The following SGCD variants were observed in gnomAD, a reference collection of about 807,000 sequenced individuals.
SGCD encodes sarcoglycan delta, also known as delta-sarcoglycan.
Under a neutral mutation model 36.6 loss-of-function variants are expected in SGCD, and 18 were observed. The observed-to-expected ratio is 0.49, with a 90% CI of 0.34 to 0.73. SGCD has a LOEUF of 0.73. Ranked by LOEUF, SGCD falls within the 30% of genes least tolerant of loss-of-function variation. SGCD has a pLI of 0.01. For synonymous variants in SGCD, 133 were observed against 130.6 expected, an observed-to-expected ratio of 1.02 and a Z score of -0.12; for missense variants, 387 against 346.7, an observed-to-expected ratio of 1.12 and a Z score of -0.92.
intron 3 of SGCD, among the ~76,000 whole-genome samples, chr5:156,182,999 G>A (rs541253155): frequency 1.3e-5 from 2 of 152,014 alleles, no homozygotes; most frequent in Non-Finnish European, 2.9e-5. Flanking sequence ...ATTATTATAG[G>A]CCAGGCATGG....
intron 6 of SGCD, among the ~76,000 whole-genome samples, chr5:156,625,112 T>G (rs1561822631): frequency 6.6e-6 from 1 of 152,190 alleles, no homozygotes; most frequent in Non-Finnish European, 1.5e-5. Flanking sequence ...TAATAGCAGT[T>G]AGGCCCCTGC....
chr5:156,459,449 G>A (rs903818542), intron 3 of SGCD, among the ~76,000 whole-genome samples: 5 of 152,210 alleles, frequency 3.3e-5, no homozygotes, highest in South Asian at 2.1e-4. Flanking sequence ...GAGAGTCAAC[G>A]GTTTGGCAAC....
At chr5:156,206,677 G>T (rs1016497154) in intron 3 of SGCD, among the ~76,000 whole-genome samples, 4 of 151,998 alleles carry the variant, frequency 2.6e-5, no homozygotes, top group African/African-American at 9.7e-5. Context: ...CATTTAACCA[G>T]AAAGATGTAA....
At chr5:156,128,504 C>T (rs957376874) in intron 3 of SGCD, among the ~76,000 whole-genome samples, 2 of 152,128 alleles carry the variant, frequency 1.3e-5, no homozygotes, top group Non-Finnish European at 2.9e-5. Flanking sequence ...TAAACTCTTA[C>T]ATATTCATAA....
At chr5:156,368,475 C>T (rs576702206) in intron 3 of SGCD, among the ~76,000 whole-genome samples, 3 of 152,264 alleles carry the variant, frequency 2.0e-5, no homozygotes, top group South Asian at 2.1e-4. Context: ...AAACCTCTAC[C>T]GTAGGAAGCA....
intron 3 of SGCD, among the ~76,000 whole-genome samples, chr5:156,219,988 A>C (rs1301445933): frequency 1.3e-5 from 2 of 152,182 alleles, no homozygotes; most frequent in Non-Finnish European, 2.9e-5. Context: ...ACAATGTTTT[A>C]GGTCTTGGGC....
intron 1 of SGCD, among the ~76,000 whole-genome samples, chr5:155,929,128 A>G (rs1405971304): frequency 6.6e-6 from 1 of 152,190 alleles, no homozygotes; most frequent in African/African-American, 2.4e-5. Flanking sequence ...CTAATTTGTT[A>G]CAGGTTTTAG....
rs550865744 is a variant in SGCD at position 156,070,669 on chromosome 5, C to T, written c.-281-47209C>T. ...ATAAAATGAGTTAGGGAGGATTCCC[C>T]CTTTTTCTATTGATTGGAATAGTTT... On this transcript the variant is annotated intron_variant, in intron 1 of 9. Coordinates refer to the SGCD transcript ENST00000517913. Among the ~76,000 whole-genome samples, 517 of 152,050 alleles carry T rather than the reference C, an allele frequency of 3.4e-3. 5 individuals are homozygous for T. Among genetic ancestry groups the T allele is most frequent in the African/African-American group, 0.012 (480 of 41,434 alleles).
intron 7 of SGCD, among the ~76,000 whole-genome samples, chr5:156,695,527 A>G (rs199617060): frequency 3.8e-3 from 200 of 53,032 alleles, no homozygotes; most frequent in Middle Eastern, 9.8e-3. Flanking sequence ...ATAGATAGAT[A>G]GATAGATAGA....
At chr5:156,400,360 C>T (rs1325602983) in intron 3 of SGCD, among the ~76,000 whole-genome samples, 3 of 152,162 alleles carry the variant, frequency 2.0e-5, no homozygotes, top group Non-Finnish European at 4.4e-5. Context: ...TCTTATTAAA[C>T]CTATAGTCCT....
At chr5:156,474,634 T>C (rs1755105319) in intron 3 of SGCD, among the ~76,000 whole-genome samples, 2 of 152,170 alleles carry the variant, frequency 1.3e-5, no homozygotes, top group South Asian at 4.1e-4. Context: ...ACAGATTTAA[T>C]TTTGGTCCCC....
At chr5:156,639,168 G>T (rs1762938211) in intron 6 of SGCD, among the ~76,000 whole-genome samples, 1 of 151,868 alleles carries the variant, frequency 6.6e-6, no homozygotes, top group South Asian at 2.1e-4. Flanking sequence ...ATGTGTATAT[G>T]TATGTGTGTG....
At chr5:155,906,276 C>T (rs1243695547) in intron 1 of SGCD, among the ~76,000 whole-genome samples, 3 of 152,074 alleles carry the variant, frequency 2.0e-5, no homozygotes, top group Non-Finnish European at 4.4e-5. Context: ...TCTTGAGCTT[C>T]CCTATTCCCT....
chr5:156,738,507 G>A (rs896196627), intron 7 of SGCD: 5 of 152,202 alleles, frequency 3.3e-5, no homozygotes, highest in African/African-American at 1.2e-4. Flanking sequence ...CAGAGAATCT[G>A]TCAAGCTTTT....
chr5:156,531,699 G>A (rs550647873), intron 4 of SGCD, among the ~76,000 whole-genome samples: 134 of 151,862 alleles, frequency 8.8e-4, no homozygotes, highest in African/African-American at 3.1e-3. Flanking sequence ...ACCTTAAATC[G>A]CCCACAAAAT....
the SGCD span, among the ~76,000 whole-genome samples, chr5:155,745,753 C>G: frequency 1.3e-5 from 2 of 152,164 alleles, no homozygotes; most frequent in East Asian, 1.9e-4. Context: ...GTTGTACAAC[C>G]TTATTAGTAC....
Position 156,274,684 on chromosome 5 carries a change from T to A in SGCD, c.-43-54850T>A, listed in dbSNP as rs189656547. 3.3e-5 allele frequency among the ~76,000 whole-genome samples: 5 copies of A among 152,278 alleles called. No homozygotes were observed. In the East Asian group the frequency reaches 9.6e-4, roughly 29 times the overall value. On this transcript the variant is annotated intron_variant, in intron 3 of 9. Transcript: ENST00000517913. ...AGAATATTTGAGTAATCTTTTATGC[T>A]GAGTTCTGGAGGTACAGTAAAATCA... is the stretch of plus-strand genomic sequence containing the variant.
chr5:156,755,188 A>AT (rs1288212114), intron 7 of SGCD, among the ~76,000 whole-genome samples: 3 of 152,206 alleles, frequency 2.0e-5, no homozygotes, highest in Non-Finnish European at 4.4e-5. Context: ...CTTGATTCTG[A>AT]AAACGGAGAA....
upstream of SGCD, among the ~76,000 whole-genome samples, chr5:155,867,953 C>T (rs1254147679): frequency 1.3e-5 from 2 of 152,200 alleles, no homozygotes; most frequent in African/African-American, 4.8e-5. Context: ...CACCACTCCT[C>T]CATCTTAATG....
Sources: gnomAD v4.1 joint callset for allele counts (sites outside exome capture counted in the v4.1 genomes callset) on GRCh38, gnomAD v4.1.1 for gene constraint, MANE v1.5 for transcripts, NCBI Gene and HGNC (gene_info 2026-07-23, HGNC 2026-07-21) for gene names.